Variants in SH2D4A observed in about 807,000 individuals in gnomAD.
SH2D4A encodes SH2 domain containing 4A.
A neutral mutation model predicts 64.7 loss-of-function variants in SH2D4A; 70 were observed. That is an observed-to-expected ratio of 1.08 (90% CI 0.89 to 1.32). SH2D4A has a LOEUF of 1.32. Among genes scored for constraint, SH2D4A ranks in the 40% most tolerant of loss-of-function variants. The pLI, the probability that SH2D4A is intolerant of heterozygous loss-of-function variation, is 0.00. For synonymous variants in SH2D4A, 268 were observed against 200.7 expected, an observed-to-expected ratio of 1.34 and a Z score of -2.83; for missense variants, 706 against 540.1, an observed-to-expected ratio of 1.31 and a Z score of -3.04.
intron 2 of SH2D4A, among the ~76,000 whole-genome samples, chr8:19,326,769 T>C (rs2052288437): frequency 6.6e-6 from 1 of 151,892 alleles, no homozygotes; most frequent in African/African-American, 2.4e-5. Flanking sequence ...CCAGTGGGGG[T>C]GGAGACCAAG....
chr8:19,347,438 C>T (rs1473824831), intron 4 of SH2D4A, among the ~76,000 whole-genome samples: 1 of 152,172 alleles, frequency 6.6e-6, no homozygotes, highest in African/African-American at 2.4e-5. Context: ...TGTGGATAGC[C>T]ATCTGAATGC....
rs1340759827 is a variant in SH2D4A, at chr8:19,357,211, C to A, written c.522C>A (p.Ser174=). 1 of 1,613,132 alleles carries A rather than the reference C, an allele frequency of 6.2e-7. No homozygotes were observed. Among genetic ancestry groups the A allele is most frequent in the Non-Finnish European group, 8.5e-7 (1 of 1,179,064 alleles). Residue 174 remains serine, a synonymous_variant, in exon 5 of 10, where the codon TCC becomes TCA. Coordinates refer to ENST00000265807, the MANE Select transcript of SH2D4A (RefSeq NM_022071.4). ...TLEEEKIRSL[S]SSSRNIQQML... ...TTTCGTTTAATTTTTAGTCACTCTC[C>A]AGTTCTTCAAGAAATATTCAACAAA...
Position 19,364,225 on chromosome 8 carries a change from C to T in SH2D4A, c.860C>T (p.Pro287Leu), listed in dbSNP as rs758301521. 1.1e-5 allele frequency: 18 copies of T among 1,614,196 alleles called. No homozygotes were observed. The highest frequency in any genetic ancestry group is 1.6e-4 in the Middle Eastern group (1 of 6,062). The change falls in exon 7 of 10, where the codon CCC becomes CTC. Residue 287 changes from proline to leucine, a missense_variant. Pro to Leu is a moderately conservative substitution (Grantham distance 98, BLOSUM62 -3). Coordinates refer to ENST00000265807, the MANE Select transcript of SH2D4A (RefSeq NM_022071.4). The part of the protein sequence containing the change: ...LRVPQKPERP[P>L]LPPKPQFLNS... ...GTTCCGCAGAAACCAGAAAGACCTC[C>T]CCTTCCACCCAAGCCTCAGTTCCTA...
chr8:19,364,317 A>C, intron 7 of SH2D4A, 35 bp downstream of exon 7: 1 of 1,606,908 alleles, frequency 6.2e-7, no homozygotes, highest in Non-Finnish European at 8.5e-7. Flanking sequence ...ATGCATAAAC[A>C]TTGCAATGGG....
At chr8:19,389,529 G>A (rs996406031) in intron 8 of SH2D4A, among the ~76,000 whole-genome samples, 2 of 152,156 alleles carry the variant, frequency 1.3e-5, no homozygotes, top group Admixed American at 6.5e-5. Flanking sequence ...GTAGGCTCAG[G>A]AGTTTCAGTT....
At chr8:19,338,829 G>A (rs907582723) in intron 4 of SH2D4A, among the ~76,000 whole-genome samples, 2 of 152,192 alleles carry the variant, frequency 1.3e-5, no homozygotes, top group African/African-American at 4.8e-5. Flanking sequence ...GTACAATCTG[G>A]TAGGATTTTT....
chr8:19,346,295 A>C (rs1245958783), intron 4 of SH2D4A, among the ~76,000 whole-genome samples: 1 of 152,196 alleles, frequency 6.6e-6, no homozygotes, highest in Non-Finnish European at 1.5e-5. Context: ...GCAGCAGGCA[A>C]GCAAGCCAGC....
At chr8:19,382,081 A>G (rs1281754085) in intron 8 of SH2D4A, among the ~76,000 whole-genome samples, 1 of 152,094 alleles carries the variant, frequency 6.6e-6, no homozygotes, top group East Asian at 1.9e-4. Flanking sequence ...CTATGTATTT[A>G]CCTTTATTGA....
chr8:19,334,611 T>C, intron 3 of SH2D4A, 75 bp from the exon 4 acceptor site: 1 of 1,465,418 alleles, frequency 6.8e-7, no homozygotes, highest in Non-Finnish European at 9.2e-7. Flanking sequence ...ATAATTTGAA[T>C]GTCGACATAT....
Position 19,329,438 on chromosome 8 carries a change from C to A in SH2D4A, c.182-3517C>A, listed in dbSNP as rs2052336130. 2.6e-5 allele frequency among the ~76,000 whole-genome samples: 4 copies of A among 152,138 alleles called. No homozygotes were observed. In the South Asian group the frequency reaches 8.3e-4, roughly 32 times the overall value. On this transcript the variant is annotated intron_variant, in intron 2 of 9. Transcript: ENST00000265807. ...ATTAAGTATCCATGTCTGCTTTCCA[C>A]AACTAGAATGTTAGTCTCCTGAGGA...
chr8:19,329,877 A>T (rs1414671205), intron 2 of SH2D4A, among the ~76,000 whole-genome samples: 3 of 151,674 alleles, frequency 2.0e-5, no homozygotes, highest in Non-Finnish European at 4.4e-5. Flanking sequence ...AAGTAATTAA[A>T]CTCTTTCTTT....
rs558271055 is a variant in SH2D4A, at chr8:19,322,198, A to C, written c.181+2470A>C. The stretch of plus-strand genomic sequence containing the variant: ...TTGCGCTGTCTTTGAAGATAAAGCC[A>C]TAGACCGTCCAAAGCAATGCTGTCA... On this transcript the variant is annotated intron_variant, in intron 2 of 9. Transcript: ENST00000265807. 3.7e-4 allele frequency among the ~76,000 whole-genome samples: 57 copies of C among 152,334 alleles called. 1 individual carries two copies. The South Asian group carries it at 4.8e-3, about 13-fold the overall frequency.
chr8:19,371,965 T>C (rs1487174506), intron 7 of SH2D4A, among the ~76,000 whole-genome samples: 1 of 152,182 alleles, frequency 6.6e-6, no homozygotes. Context: ...TGTTGAGCTT[T>C]CTTAAAACAG....
At chr8:19,361,876 A>C (rs2052895429) in intron 6 of SH2D4A, among the ~76,000 whole-genome samples, 2 of 152,202 alleles carry the variant, frequency 1.3e-5, no homozygotes, top group African/African-American at 2.4e-5. Flanking sequence ...CAGGAATACC[A>C]GGCTGGATGT....
intron 4 of SH2D4A, among the ~76,000 whole-genome samples, chr8:19,349,653 A>G (rs2052666155): frequency 6.6e-6 from 1 of 152,242 alleles, no homozygotes; most frequent in Non-Finnish European, 1.5e-5. Context: ...ACATTAAAGT[A>G]GCTACATGCC....
At chr8:19,391,841 C>G (rs2053498158) in intron 8 of SH2D4A, among the ~76,000 whole-genome samples, 1 of 152,212 alleles carries the variant, frequency 6.6e-6, no homozygotes, top group South Asian at 2.1e-4. Flanking sequence ...TATGGCAGCC[C>G]CTTGCCTTTT....
chr8:19,362,797 AAATAAT>A (rs1161095541), intron 6 of SH2D4A, among the ~76,000 whole-genome samples: 1 of 152,110 alleles, frequency 6.6e-6, no homozygotes, highest in East Asian at 1.9e-4. Flanking sequence ...GAAAACCAAA[AAATAAT>A]AATAAAACCC....
At chr8:19,389,600 T>C (rs1158476213) in intron 8 of SH2D4A, among the ~76,000 whole-genome samples, 1 of 152,142 alleles carries the variant, frequency 6.6e-6, no homozygotes, top group Non-Finnish European at 1.5e-5. Context: ...CGCAGTGACA[T>C]CTACTTTCTT....
chr8:19,394,850 A>G lies in SH2D4A; in HGVS notation c.*208A>G, dbSNP rs535100494. On this transcript the variant is annotated 3_prime_UTR_variant, in exon 10 of 10. Transcript: ENST00000265807. ...GTCAAGAGAAAATGACCTCTGCTCA[A>G]AAGGGAGAAGAGTCTCAATTTCAGC... 1 of 393,206 alleles carries G rather than the reference A, an allele frequency of 2.5e-6. No homozygotes were observed. The highest frequency in any genetic ancestry group is 3.8e-5 in the East Asian group (1 of 26,088). 24.4% of individuals were successfully genotyped at this position (393,206 alleles called of 1,614,324 possible).
Sources: gnomAD v4.1 joint callset for allele counts (sites outside exome capture counted in the v4.1 genomes callset) on GRCh38, gnomAD v4.1.1 for gene constraint, MANE v1.5 for transcripts, NCBI Gene and HGNC (gene_info 2026-07-23, HGNC 2026-07-21) for gene names.